ENTREP2: variants seen among roughly 807,000 people sequenced by gnomAD.
ENTREP2 encodes endosomal transmembrane epsin interactor 2, also known as protein ENTREP2.
the ENTREP2 span, among the ~76,000 whole-genome samples, chr15:29,294,547 T>C: frequency 1.3e-5 from 2 of 152,112 alleles, no homozygotes; most frequent in Non-Finnish European, 2.9e-5. Context: ...AAAGGTTTAG[T>C]TGACAAAAAA....
chr15:29,301,442 C>T, the ENTREP2 span, among the ~76,000 whole-genome samples: 1 of 152,192 alleles, frequency 6.6e-6, no homozygotes, highest in African/African-American at 2.4e-5. Flanking sequence ...ACTTTGTTCT[C>T]TACACCGTCT....
the ENTREP2 span, among the ~76,000 whole-genome samples, chr15:29,229,813 T>G: frequency 6.6e-6 from 1 of 152,152 alleles, no homozygotes; most frequent in Non-Finnish European, 1.5e-5. Context: ...TTCTAGACAA[T>G]CTCATCCACT....
chr15:29,674,591 T>A, the ENTREP2 span, among the ~76,000 whole-genome samples: 1 of 151,956 alleles, frequency 6.6e-6, no homozygotes, highest in Non-Finnish European at 1.5e-5. Flanking sequence ...TTAATCAGAT[T>A]TTTTCTTTCT....
At chr15:29,647,348 A>T in the ENTREP2 span, among the ~76,000 whole-genome samples, 1 of 152,248 alleles carries the variant, frequency 6.6e-6, no homozygotes, top group Non-Finnish European at 1.5e-5. Flanking sequence ...AGTGTCTCAC[A>T]GAAGTCTATG....
At chr15:29,212,970 A>T in the ENTREP2 span, among the ~76,000 whole-genome samples, 1 of 152,200 alleles carries the variant, frequency 6.6e-6, no homozygotes, top group East Asian at 1.9e-4. Flanking sequence ...ATTTTGTATA[A>T]GGTGTAAGGA....
chr15:29,123,224 C>A, the ENTREP2 span: 911 of 1,146,302 alleles, frequency 7.9e-4, 5 homozygotes, highest in African/African-American at 0.012. Context: ...GTGTCCCCCC[C>A]ACATTTATCC....
the ENTREP2 span, among the ~76,000 whole-genome samples, chr15:29,154,120 G>A: frequency 3.9e-5 from 6 of 152,212 alleles, no homozygotes; most frequent in East Asian, 1.2e-3. Flanking sequence ...TTGAGACTTT[G>A]CTGAAATTGA....
the ENTREP2 span, among the ~76,000 whole-genome samples, chr15:29,293,423 A>T: frequency 7.0e-6 from 1 of 143,608 alleles, no homozygotes; most frequent in Non-Finnish European, 1.5e-5. Context: ...AATTTTTTGT[A>T]TTTTTTTTTT....
the ENTREP2 span, among the ~76,000 whole-genome samples, chr15:29,490,776 G>A: frequency 6.6e-6 from 1 of 152,186 alleles, no homozygotes; most frequent in Non-Finnish European, 1.5e-5. Flanking sequence ...AGTTCTCCAA[G>A]TCCCCACCTG....
At chr15:29,359,224 C>A in the ENTREP2 span, among the ~76,000 whole-genome samples, 557 of 152,238 alleles carry the variant, frequency 3.7e-3, 4 homozygotes, top group African/African-American at 0.013. Context: ...CAGGGCAGAA[C>A]ACGAAGGAGT....
At chr15:29,187,201 A>T in the ENTREP2 span, among the ~76,000 whole-genome samples, 1 of 152,186 alleles carries the variant, frequency 6.6e-6, no homozygotes, top group Admixed American at 6.5e-5. Flanking sequence ...TTTCTAAGTT[A>T]ATATTTTAAT....
the ENTREP2 span, among the ~76,000 whole-genome samples, chr15:29,484,671 A>T: frequency 6.6e-6 from 1 of 152,208 alleles, no homozygotes; most frequent in African/African-American, 2.4e-5. Flanking sequence ...TCATGATAAC[A>T]GAAACACTCA....
chr15:29,608,501 C>A, the ENTREP2 span, among the ~76,000 whole-genome samples: 1 of 148,380 alleles, frequency 6.7e-6, no homozygotes, highest in African/African-American at 2.5e-5. Context: ...CTCCTGCCTC[C>A]TCCTGCCTCC....
At chr15:29,655,979 A>T in the ENTREP2 span, among the ~76,000 whole-genome samples, 1 of 146,544 alleles carries the variant, frequency 6.8e-6, no homozygotes, top group Admixed American at 7.0e-5. Context: ...GAGCGAGATC[A>T]CGCCACCGCA....
the ENTREP2 span, among the ~76,000 whole-genome samples, chr15:29,180,541 GTGA>G: frequency 6.6e-6 from 1 of 152,238 alleles, no homozygotes; most frequent in South Asian, 2.1e-4. Context: ...GCACACGGCT[GTGA>G]TCCCAGCTAC....
the ENTREP2 span, among the ~76,000 whole-genome samples, chr15:29,417,289 T>C: frequency 6.6e-6 from 1 of 152,148 alleles, no homozygotes; most frequent in Non-Finnish European, 1.5e-5. Context: ...ATGTGGCACA[T>C]ATACACCATG....
chr15:29,564,257 T>C, the ENTREP2 span, among the ~76,000 whole-genome samples: 1 of 152,246 alleles, frequency 6.6e-6, no homozygotes, highest in South Asian at 2.1e-4. Flanking sequence ...AAAGATCTCT[T>C]GCCTCTAGTC....
the ENTREP2 span, among the ~76,000 whole-genome samples, chr15:29,458,925 G>A: frequency 1.3e-5 from 2 of 152,124 alleles, no homozygotes; most frequent in Admixed American, 1.3e-4. Flanking sequence ...CCAGAGCTAG[G>A]ACTTGCTAAT....
the ENTREP2 span, among the ~76,000 whole-genome samples, chr15:29,558,485 C>T: frequency 2.6e-5 from 4 of 151,624 alleles, no homozygotes; most frequent in South Asian, 4.2e-4. Flanking sequence ...CAGACCAGCC[C>T]GGCCGGTCAC....
Sources: gnomAD v4.1 joint callset for allele counts (sites outside exome capture counted in the v4.1 genomes callset) on GRCh38, gnomAD v4.1.1 for gene constraint, MANE v1.5 for transcripts, NCBI Gene and HGNC (gene_info 2026-07-23, HGNC 2026-07-21) for gene names.